Variants in RAD51B observed in about 807,000 individuals in gnomAD.
RAD51B encodes the protein DNA repair protein RAD51 homolog 2.
RAD51B carries 38 observed loss-of-function variants against 42.2 expected under a neutral mutation model. That is an observed-to-expected ratio of 0.90 (90% CI 0.70 to 1.18). RAD51B has a LOEUF of 1.18. RAD51B is among the 50% of genes most tolerant of loss of function. RAD51B has a pLI of 0.00. For missense variants in RAD51B, 373 were observed against 400.7 expected, an observed-to-expected ratio of 0.93 and a Z score of 0.59; for synonymous variants, 154 against 145.2, an observed-to-expected ratio of 1.06 and a Z score of -0.43.
intron 10 of RAD51B, among the ~76,000 whole-genome samples, chr14:68,489,956 T>C (rs1883933328): frequency 6.6e-6 from 1 of 152,200 alleles, no homozygotes; most frequent in Admixed American, 6.5e-5. Flanking sequence ...GGCAGATATA[T>C]GTGAATGGAA....
chr14:68,078,401 G>T (rs1346503110), intron 7 of RAD51B, among the ~76,000 whole-genome samples: 3 of 152,130 alleles, frequency 2.0e-5, no homozygotes, highest in Non-Finnish European at 4.4e-5. Flanking sequence ...TTTACATTCA[G>T]CTCTTGTCCT....
At chr14:68,476,854 T>C (rs955645574) in intron 10 of RAD51B, among the ~76,000 whole-genome samples, 1 of 152,198 alleles carries the variant, frequency 6.6e-6, no homozygotes. Flanking sequence ...GCCACAGAAC[T>C]AAGGGCTTGC....
chr14:68,483,701 A>G (rs932585064), intron 10 of RAD51B, among the ~76,000 whole-genome samples: 2 of 152,220 alleles, frequency 1.3e-5, no homozygotes, highest in Non-Finnish European at 2.9e-5. Context: ...AGAGAGAGAA[A>G]CTTTCCCTTA....
intron 8 of RAD51B, among the ~76,000 whole-genome samples, chr14:68,294,952 G>A (rs2081585493): frequency 1.3e-5 from 2 of 152,170 alleles, no homozygotes; most frequent in Non-Finnish European, 1.5e-5. Flanking sequence ...AAACCAGTGA[G>A]AATGAGAAAC....
chr14:67,962,520 C>T (rs571158469), intron 7 of RAD51B, among the ~76,000 whole-genome samples: 1 of 152,252 alleles, frequency 6.6e-6, no homozygotes, highest in South Asian at 2.1e-4. Context: ...TCAGACTTCA[C>T]AACAATGTGC....
At chr14:68,376,846 C>T (rs1005052661) in intron 8 of RAD51B, among the ~76,000 whole-genome samples, 11 of 152,040 alleles carry the variant, frequency 7.2e-5, no homozygotes, top group African/African-American at 2.4e-4. Context: ...ATACAAGGGC[C>T]GGAAGTGACC....
intron 7 of RAD51B, among the ~76,000 whole-genome samples, chr14:68,057,821 TTGTGTGTGTG>T (rs140213534): frequency 2.5e-4 from 35 of 138,684 alleles, no homozygotes; most frequent in Middle Eastern, 3.6e-3. Context: ...TTTTAGTTCT[TTGTGTGTGTG>T]TGTGTGTGTG....
intron 9 of RAD51B, among the ~76,000 whole-genome samples, chr14:68,462,760 A>G (rs147226108): frequency 4.8e-4 from 73 of 152,334 alleles, no homozygotes; most frequent in African/African-American, 1.7e-3. Context: ...GTTAGAGTGC[A>G]GTTAAAGCCA....
At chr14:68,636,209 C>T (rs1382877196) in intron 10 of RAD51B, among the ~76,000 whole-genome samples, 1 of 152,196 alleles carries the variant, frequency 6.6e-6, no homozygotes, top group Non-Finnish European at 1.5e-5. Context: ...TGCCAGTAGA[C>T]ACCCTCTGAT....
intron 10 of RAD51B, among the ~76,000 whole-genome samples, chr14:68,588,910 G>A (rs1321940146): frequency 6.6e-6 from 1 of 152,212 alleles, no homozygotes. Flanking sequence ...TAAATGCTGG[G>A]CTGATTTTGC....
At chr14:67,925,021 AG>A (rs1268655109) in intron 7 of RAD51B, among the ~76,000 whole-genome samples, 1 of 152,236 alleles carries the variant, frequency 6.6e-6, no homozygotes, top group African/African-American at 2.4e-5. Context: ...GCCAAAACAA[AG>A]GGGCTCCAGG....
chr14:68,604,931 T>C (rs1891384678), intron 10 of RAD51B, among the ~76,000 whole-genome samples: 1 of 152,198 alleles, frequency 6.6e-6, no homozygotes, highest in South Asian at 2.1e-4. Context: ...CCTCAGCTTT[T>C]CAGTAAAACG....
At chr14:68,071,322 G>T (rs1411269873) in intron 7 of RAD51B, among the ~76,000 whole-genome samples, 1 of 152,186 alleles carries the variant, frequency 6.6e-6, no homozygotes, top group East Asian at 1.9e-4. Context: ...AGCAGTGAGA[G>T]TGAGCATCCT....
chr14:68,434,202 G>A (rs940955025), intron 9 of RAD51B, among the ~76,000 whole-genome samples: 17 of 152,344 alleles, frequency 1.1e-4, no homozygotes, highest in African/African-American at 4.1e-4. Context: ...GGACCCACTT[G>A]AGGAGGCAGT....
At chr14:68,147,489 T>G (rs1455954927) in intron 7 of RAD51B, among the ~76,000 whole-genome samples, 1 of 152,166 alleles carries the variant, frequency 6.6e-6, no homozygotes, top group African/African-American at 2.4e-5. Flanking sequence ...TAATAATTGC[T>G]TTACTGTTTA....
At chr14:67,846,279 G>A (rs947078174) in intron 4 of RAD51B, among the ~76,000 whole-genome samples, 1 of 152,202 alleles carries the variant, frequency 6.6e-6, no homozygotes, top group South Asian at 2.1e-4. Context: ...GTCTCCATGT[G>A]TGTGTTCGTG....
intron 8 of RAD51B, among the ~76,000 whole-genome samples, chr14:68,357,400 C>CA (rs2082931448): frequency 6.6e-6 from 1 of 152,076 alleles, no homozygotes; most frequent in Non-Finnish European, 1.5e-5. Flanking sequence ...CCCTCAAAGT[C>CA]ATTCATGAAG....
At chr14:68,298,622 A>G (rs1435906251) in intron 8 of RAD51B, among the ~76,000 whole-genome samples, 1 of 152,208 alleles carries the variant, frequency 6.6e-6, no homozygotes, top group African/African-American at 2.4e-5. Context: ...TCTCAATGTC[A>G]AGAAAGCTGG....
intron 7 of RAD51B, among the ~76,000 whole-genome samples, chr14:67,891,595 G>T (rs1039207543): frequency 3.3e-5 from 5 of 152,006 alleles, no homozygotes; most frequent in Admixed American, 1.3e-4. Flanking sequence ...TTTGAGACAA[G>T]CACAAATTTT....
Sources: allele counts gnomAD v4.1 joint callset (sites outside exome capture counted in the v4.1 genomes callset), GRCh38; gene constraint gnomAD v4.1.1; transcripts MANE v1.5; gene names NCBI Gene and HGNC (gene_info 2026-07-23, HGNC 2026-07-21).